Variants in CIBAR2 observed in about 807,000 individuals in gnomAD.
CIBAR2 encodes the protein CBY1 interacting BAR domain containing 2.
Under a neutral mutation model 36.2 loss-of-function variants are expected in CIBAR2, and 38 were observed. The observed-to-expected ratio is 1.05, with a 90% confidence interval of 0.81 to 1.38. The LOEUF is 1.38. Among genes scored for constraint, CIBAR2 ranks in the 40% most tolerant of loss-of-function variants. The pLI, the probability that CIBAR2 is intolerant of heterozygous loss-of-function variation, is 0.00. For synonymous variants in CIBAR2, 182 were observed against 149.5 expected (o/e 1.22, Z -1.58); for missense variants, 481 against 383.4 (o/e 1.25, Z -2.13).
intron 2 of CIBAR2, among the ~76,000 whole-genome samples, 160 bp from the exon 3 acceptor site, chr16:85,108,259 A>G (rs1409767907): frequency 6.6e-6 from 1 of 152,178 alleles, no homozygotes; most frequent in African/African-American, 2.4e-5. Context: ...TGTTGGAGGC[A>G]CGGAGCTGGG....
At chr16:85,104,898 G>A (rs2073983587) in intron 6 of CIBAR2, among the ~76,000 whole-genome samples, 1 of 152,166 alleles carries the variant, frequency 6.6e-6, no homozygotes, top group South Asian at 2.1e-4. Flanking sequence ...CTGGGGTGGG[G>A]ATCTGGGTGG....
intron 5 of CIBAR2, among the ~76,000 whole-genome samples, chr16:85,105,736 G>A (rs2073991161): frequency 6.6e-6 from 1 of 152,196 alleles, no homozygotes. Context: ...TAGCAGGGCT[G>A]TTGTAGAAAT....
chr16:85,102,141 T>C (rs2073960189), intron 7 of CIBAR2, 73 bp downstream of exon 7: 1 of 825,840 alleles, frequency 1.2e-6, no homozygotes, highest in African/African-American at 1.7e-5. Flanking sequence ...CAAAAACGAC[T>C]TCTATCAAGA....
At position 85,108,012 on chromosome 16, in the gene CIBAR2, C is replaced by A; in HGVS notation, c.324+19G>T. Reference sequence around the variant, plus strand: ...GGGCAAGACAGGGATGCCACCCACACCGAGGTGCCCCGGCTCACCCGTGTC... The same window carrying A: ...GGGCAAGACAGGGATGCCACCCACAACGAGGTGCCCCGGCTCACCCGTGTC... On this transcript the variant is annotated intron_variant, in intron 3 of 8. Transcript: ENST00000539556. The A allele has an allele frequency of 6.2e-7, 1 of 1,613,878 alleles. No individual in the cohort carries two copies. Among genetic ancestry groups the A allele is most frequent in the South Asian group, 1.1e-5 (1 of 91,078 alleles).
chr16:85,099,263 C>T lies in CIBAR2; in HGVS notation c.837G>A (p.Glu279=), dbSNP rs934840662. ...GGGCTGGCTGCCCCTTAACCACCCA[C>T]TCACAGAGACTAAACCTGCCATGAT... ...HANHGRFSLC[E]WVVKGQPAHC... is the part of the protein sequence containing the mutation. The change falls in exon 9 of 9, where the codon GAG becomes GAA. Residue 279 remains glutamate (E), a synonymous_variant. Coordinates refer to ENST00000539556, the MANE Select transcript of CIBAR2 (RefSeq NM_198491.3). The T allele has an allele frequency of 6.2e-7, 1 of 1,613,666 alleles. No homozygotes were observed. Among genetic ancestry groups the T allele is most frequent in the African/African-American group, 1.3e-5 (1 of 74,910 alleles).
intron 6 of CIBAR2, among the ~76,000 whole-genome samples, chr16:85,104,959 A>G (rs2073984034): frequency 6.6e-6 from 1 of 152,104 alleles, no homozygotes; most frequent in Admixed American, 6.5e-5. Context: ...TGGCTTGTTC[A>G]GGGAGGGGGT....
Position 85,110,345 on chromosome 16 carries a change from C to T in CIBAR2, c.136G>A (p.Ala46Thr). 1 of 1,613,484 alleles carries T rather than the reference C, an allele frequency of 6.2e-7. No homozygotes were observed. Among genetic ancestry groups the T allele is most frequent in the Non-Finnish European group, 8.5e-7 (1 of 1,179,774 alleles). The change falls in exon 2 of 9, where the codon GCG becomes ACG. Residue 46 changes from alanine to threonine, a missense_variant. Physicochemically the swap from Ala to Thr is moderately conservative, Grantham distance 58 (BLOSUM62 0). Transcript: ENST00000539556. ...ATGAGCTGCTTGACCAGCTGGTCCGCCTTGTCCCGCAGCCGGGCCGTCTTG... is the reference window on the plus strand; with the variant it reads ...ATGAGCTGCTTGACCAGCTGGTCCGTCTTGTCCCGCAGCCGGGCCGTCTTG... The part of the protein sequence containing the change: ...TRKTARLRDK[A>T]DQLVKQLIDF...
At chr16:85,108,228 G>A in intron 2 of CIBAR2, 129 bp from the exon 3 acceptor site, 1 of 807,592 alleles carries the variant, frequency 1.2e-6, no homozygotes, top group Non-Finnish European at 1.9e-6. Context: ...GGAGCGCGAG[G>A]TGCCCTCCCT....
chr16:85,104,431 G>C (rs2073979397), intron 6 of CIBAR2, among the ~76,000 whole-genome samples: 1 of 152,202 alleles, frequency 6.6e-6, no homozygotes, highest in Non-Finnish European at 1.5e-5. Flanking sequence ...CCCTGGGGTA[G>C]GCGCGGTGGG....
intron 4 of CIBAR2, 30 bp from the exon 5 acceptor site, chr16:85,107,702 T>A: frequency 6.2e-7 from 1 of 1,613,860 alleles, no homozygotes; most frequent in South Asian, 1.1e-5. Context: ...GGAACCAAGT[T>A]AAGCCCAGGC....
intron 2 of CIBAR2, among the ~76,000 whole-genome samples, chr16:85,109,148 T>C (rs56231750): frequency 0.15 from 22,077 of 151,054 alleles, 1,637 homozygotes; most frequent in Middle Eastern, 0.18. Context: ...TGGTGGCTCA[T>C]GCCTGTAATC....
Position 85,099,225 on chromosome 16 carries a change from C to T in CIBAR2, c.875G>A (p.Gly292Glu). Residue 292 changes from glycine (G) to glutamate (E), a missense_variant, in exon 9 of 9, where the codon GGG (glycine) becomes GAG (glutamate). Coordinates refer to ENST00000539556, the MANE Select transcript of CIBAR2 (RefSeq NM_198491.3). ...VKGQPAHCVCGQGGHLMLPGH... is the reference protein window; with the variant it reads ...VKGQPAHCVCEQGGHLMLPGH... ...TGGAAGCATGAGATGCCCACCCTGC[C>T]CACACACACAGTGGGCTGGCTGCCC... is the stretch of plus-strand genomic sequence containing the variant. 1 of 1,607,994 alleles carries T rather than the reference C, an allele frequency of 6.2e-7. No homozygotes were observed. The highest frequency in any genetic ancestry group is 2.2e-5 in the East Asian group (1 of 44,576).
intron 2 of CIBAR2, among the ~76,000 whole-genome samples, chr16:85,108,345 A>C (rs562616801): frequency 1.2e-4 from 18 of 152,318 alleles, no homozygotes; most frequent in African/African-American, 4.3e-4. Context: ...CTCACCTGTC[A>C]AATGAGGTCA....
chr16:85,100,446 G>T (rs1250626950), intron 7 of CIBAR2, among the ~76,000 whole-genome samples: 2 of 152,182 alleles, frequency 1.3e-5, no homozygotes, highest in Non-Finnish European at 2.9e-5. Flanking sequence ...CCATTTTACA[G>T]ATGGGAGAGG....
chr16:85,108,233 C>T (rs1199139098), intron 2 of CIBAR2, 134 bp from the exon 3 acceptor site: 5 of 775,058 alleles, frequency 6.5e-6, no homozygotes, highest in Non-Finnish European at 1.0e-5. Flanking sequence ...GCGAGGTGCC[C>T]TCCCTTTTCC....
rs530709258 is a variant in CIBAR2 at position 85,098,607 on chromosome 16, G to C, written c.*578C>G. 1 of 985,886 alleles carries C rather than the reference G, an allele frequency of 1.0e-6. No individual in the cohort carries two copies. Among genetic ancestry groups the C allele is most frequent in the South Asian group, 4.7e-5 (1 of 21,292 alleles). 61.1% of individuals were successfully genotyped at this position (985,886 alleles called of 1,614,324 possible). On this transcript the variant is annotated 3_prime_UTR_variant, in exon 9 of 9. Coordinates refer to ENST00000539556, the MANE Select transcript of CIBAR2 (RefSeq NM_198491.3). ...GCCCCAGTGCCCTGAGGTCCTCCAC[G>C]GGGGCCTCCTCCATGGAGTTGTCCT... is the stretch of plus-strand genomic sequence containing the variant.
intron 6 of CIBAR2, among the ~76,000 whole-genome samples, chr16:85,103,412 G>A (rs1225766940): frequency 6.6e-6 from 1 of 152,242 alleles, no homozygotes; most frequent in Non-Finnish European, 1.5e-5. Context: ...AGGTGGTGAT[G>A]ATTAGCTCAA....
intron 6 of CIBAR2, among the ~76,000 whole-genome samples, chr16:85,103,324 C>T (rs1402125368): frequency 2.6e-5 from 4 of 152,140 alleles, no homozygotes; most frequent in African/African-American, 4.8e-5. Flanking sequence ...CCTCCAACAC[C>T]GTGAGAAATA....
At chr16:85,104,577 G>A (rs182521590) in intron 6 of CIBAR2, among the ~76,000 whole-genome samples, 6 of 152,272 alleles carry the variant, frequency 3.9e-5, no homozygotes, top group South Asian at 2.1e-4. Flanking sequence ...TTAGCTGGGC[G>A]TGGTGGTACG....
Sources: gnomAD v4.1 joint callset for allele counts (sites outside exome capture counted in the v4.1 genomes callset) on GRCh38, gnomAD v4.1.1 for gene constraint, MANE v1.5 for transcripts, NCBI Gene and HGNC (gene_info 2026-07-23, HGNC 2026-07-21) for gene names.